Variants in RERE observed in about 807,000 individuals in gnomAD.
RERE encodes the protein arginine-glutamic acid dipeptide repeats.
In RERE, 40 loss-of-function variants were observed where a neutral mutation model predicts 146.1. The ratio of observed to expected loss-of-function variants is 0.27; its 90% CI spans 0.21 to 0.36. The LOEUF (loss-of-function observed/expected upper bound fraction) is 0.36, where lower values mean the gene tolerates loss of function less well. RERE is among the 10% of genes least tolerant of loss of function. RERE has a pLI of 1.00. For synonymous variants in RERE, 1,003 were observed against 866.0 expected, an observed-to-expected ratio of 1.16 and a Z score of -2.78; for missense variants, 1,933 against 2,138.7, an observed-to-expected ratio of 0.90 and a Z score of 1.90.
In RERE at chr1:8,358,461, G is replaced by A. The variant is rs776342552; in HGVS notation, c.4074C>T (p.Thr1358=). The change falls in exon 20 of 23, where the codon ACC becomes ACT. Residue 1358 remains threonine, a synonymous_variant. Coordinates refer to ENST00000400908, the MANE Select transcript of RERE (RefSeq NM_001042681.2). ...AAGAAGCAAAAGGGTGGGGCCCGGC[G>A]GTCGGGGGGATGGTGAGGGCGCTGT... ...ARHSALTIPP[T]AGPHPFASFH... is the part of the protein sequence containing the mutation. 46 of 1,584,990 alleles carry A rather than the reference G, an allele frequency of 2.9e-5. No homozygotes were observed. The East Asian group carries it at 3.6e-4, about 12-fold the overall frequency.
intron 1 of RERE, among the ~76,000 whole-genome samples, chr1:8,727,611 C>T (rs569041763): frequency 6.6e-5 from 10 of 152,018 alleles, no homozygotes; most frequent in East Asian, 1.9e-4. Context: ...CTCCTGCCTC[C>T]GCCTCCCAAG....
chr1:8,613,674 T>C (rs1646817822), intron 4 of RERE, among the ~76,000 whole-genome samples: 1 of 152,250 alleles, frequency 6.6e-6, no homozygotes, highest in African/African-American at 2.4e-5. Context: ...TATCCTCTTG[T>C]ATTATTTGCT....
intron 1 of RERE, among the ~76,000 whole-genome samples, chr1:8,734,644 A>G (rs1034447294): frequency 6.6e-6 from 1 of 152,344 alleles, no homozygotes; most frequent in Non-Finnish European, 1.5e-5. Context: ...TATAGTTACT[A>G]TAGGGAATTA....
intron 1 of RERE, among the ~76,000 whole-genome samples, chr1:8,716,217 C>CT (rs1250907989): frequency 6.7e-6 from 1 of 149,526 alleles, no homozygotes; most frequent in Non-Finnish European, 1.5e-5. Flanking sequence ...AATTCTAACA[C>CT]TTTGAGAGGC....
chr1:8,760,049 G>C (rs991336885), intron 1 of RERE, among the ~76,000 whole-genome samples: 1 of 152,124 alleles, frequency 6.6e-6, no homozygotes, highest in African/African-American at 2.4e-5. Flanking sequence ...TTTTGAGATG[G>C]AGTTTCACTC....
chr1:8,584,252 A>G (rs534913965), intron 4 of RERE, among the ~76,000 whole-genome samples: 24 of 152,150 alleles, frequency 1.6e-4, no homozygotes, highest in Non-Finnish European at 2.8e-4. Context: ...CTAAGGAGAA[A>G]GTAACAAATA....
chr1:8,409,452 G>T (rs940692386), intron 12 of RERE, among the ~76,000 whole-genome samples: 1 of 152,208 alleles, frequency 6.6e-6, no homozygotes, highest in Non-Finnish European at 1.5e-5. Context: ...CTGTTTTGGG[G>T]AGAGGAATAG....
At chr1:8,542,912 T>C (rs1645816506) in intron 6 of RERE, among the ~76,000 whole-genome samples, 1 of 152,222 alleles carries the variant, frequency 6.6e-6, no homozygotes. Context: ...AGCTACAGAA[T>C]AGAAAGTATT....
chr1:8,671,045 A>C (rs542585905), intron 1 of RERE, among the ~76,000 whole-genome samples: 1 of 152,228 alleles, frequency 6.6e-6, no homozygotes, highest in Non-Finnish European at 1.5e-5. Flanking sequence ...ACTGACATGC[A>C]AAGAGAACAA....
Position 8,786,744 on chromosome 1 carries a change from G to T in RERE, c.-145+30416C>A. On this transcript the variant is annotated intron_variant, in intron 1 of 22. Transcript: ENST00000400908. Reference sequence around the variant, plus strand: ...TCCTTGCCATTCGAATTTCAGTTCTGTACATCTGCCTATATTCCTTGTGAT... The same window carrying T: ...TCCTTGCCATTCGAATTTCAGTTCTTTACATCTGCCTATATTCCTTGTGAT... 5 of 779,834 alleles carry T rather than the reference G, an allele frequency of 6.4e-6. No homozygotes were observed. The Admixed American group carries it at 6.8e-5, about 11-fold the overall frequency. 48.3% of individuals were successfully genotyped at this position (779,834 alleles called of 1,614,324 possible). A position where few individuals can be genotyped will look rare whatever the true frequency, so the allele number is the denominator to read the frequency against.
At position 8,656,056 on chromosome 1, in the gene RERE, T is replaced by C; in HGVS notation, c.242A>G (p.Lys81Arg). 6.2e-7 allele frequency: 1 copy of C among 1,614,188 alleles called. No homozygotes were observed. Among genetic ancestry groups the C allele is most frequent in the Non-Finnish European group, 8.5e-7 (1 of 1,180,038 alleles). The change falls in exon 2 of 23, where the codon AAA becomes AGA. Residue 81 changes from lysine (K) to arginine (R), a missense_variant. Lys to Arg is a conservative substitution (Grantham distance 26, BLOSUM62 2). Coordinates refer to ENST00000400908, the MANE Select transcript of RERE (RefSeq NM_001042681.2). ...TGTCCTTTCATAACGAGACTTTTTT[T>C]TCGGTGGTTTCTTCTTATTCTTCTT... ...STKKNKKKPP[K>R]KKSRYERTDT... is the part of the protein sequence containing the mutation.
chr1:8,569,326 T>G (rs1646191582), intron 4 of RERE, among the ~76,000 whole-genome samples: 1 of 151,804 alleles, frequency 6.6e-6, no homozygotes, highest in South Asian at 2.1e-4. Context: ...TTGGTTGTTG[T>G]TTGGTGACGG....
At chr1:8,698,788 G>A (rs2124434646) in intron 1 of RERE, among the ~76,000 whole-genome samples, 1 of 152,126 alleles carries the variant, frequency 6.6e-6, no homozygotes, top group South Asian at 2.1e-4. Flanking sequence ...AAAATGCTAG[G>A]ATTACAGACG....
At chr1:8,426,311 G>C (rs980757717) in intron 11 of RERE, among the ~76,000 whole-genome samples, 2 of 152,030 alleles carry the variant, frequency 1.3e-5, no homozygotes, top group African/African-American at 4.8e-5. Flanking sequence ...AAAATTAGCT[G>C]GGCATGGTGG....
intron 1 of RERE, among the ~76,000 whole-genome samples, chr1:8,667,799 T>G (rs565086391): frequency 6.6e-6 from 1 of 152,226 alleles, no homozygotes; most frequent in Non-Finnish European, 1.5e-5. Flanking sequence ...CTGCCAACAG[T>G]TGTGTCTCTT....
At chr1:8,573,753 A>G (rs1646253863) in intron 4 of RERE, among the ~76,000 whole-genome samples, 1 of 152,188 alleles carries the variant, frequency 6.6e-6, no homozygotes, top group Non-Finnish European at 1.5e-5. Flanking sequence ...ATATATATTA[A>G]AGGCTAAAAA....
intron 4 of RERE, among the ~76,000 whole-genome samples, chr1:8,601,467 G>C (rs1646624704): frequency 6.6e-6 from 1 of 152,104 alleles, no homozygotes; most frequent in African/African-American, 2.4e-5. Context: ...CAGACCACGT[G>C]ACAGTGGGTG....
At chr1:8,619,063 AT>A (rs1429673295) in intron 3 of RERE, among the ~76,000 whole-genome samples, 1 of 152,236 alleles carries the variant, frequency 6.6e-6, no homozygotes, top group Non-Finnish European at 1.5e-5. Flanking sequence ...CGAGAGGGAT[AT>A]GGTATTAAAC....
chr1:8,398,051 G>A (rs1643114621), intron 12 of RERE, among the ~76,000 whole-genome samples: 1 of 152,224 alleles, frequency 6.6e-6, no homozygotes, highest in Non-Finnish European at 1.5e-5. Context: ...CCCTAAGAGA[G>A]GCATGATGTT....
Sources: allele counts gnomAD v4.1 joint callset (sites outside exome capture counted in the v4.1 genomes callset), GRCh38; gene constraint gnomAD v4.1.1; transcripts MANE v1.5; gene names NCBI Gene and HGNC (gene_info 2026-07-23, HGNC 2026-07-21).